HIVEP3: variants seen among roughly 807,000 people sequenced by gnomAD.
HIVEP3 encodes HIVEP zinc finger 3.
In HIVEP3, 49 loss-of-function variants were observed where a neutral mutation model predicts 152.8. The ratio of observed to expected loss-of-function variants is 0.32; its 90% CI spans 0.26 to 0.41. The LOEUF (loss-of-function observed/expected upper bound fraction) is 0.41, where lower values mean the gene tolerates loss of function less well. Ranked by LOEUF, HIVEP3 falls within the 10% of genes least tolerant of loss-of-function variation. The pLI is 1.00. For missense variants in HIVEP3, 2,790 were observed against 3,103.3 expected (o/e 0.90, Z 2.40); for synonymous variants, 1,269 against 1,289.0 (o/e 0.98, Z 0.33).
intron 1 of HIVEP3, among the ~76,000 whole-genome samples, chr1:41,983,352 A>G (rs1004572702): frequency 1.3e-5 from 2 of 152,256 alleles, no homozygotes; most frequent in Admixed American, 6.5e-5. Flanking sequence ...ATGCACAAAA[A>G]TCAAATTTAA....
chr1:41,641,101 T>C (rs1261520038), intron 2 of HIVEP3, among the ~76,000 whole-genome samples: 1 of 152,240 alleles, frequency 6.6e-6, no homozygotes, highest in Non-Finnish European at 1.5e-5. Flanking sequence ...TAGCTTTACT[T>C]ATGTTTATGA....
At chr1:41,518,318 G>T in intron 7 of HIVEP3, 84 bp downstream of exon 7, 1 of 1,146,428 alleles carries the variant, frequency 8.7e-7, no homozygotes, top group South Asian at 1.2e-5. Context: ...CAGAAAGGAA[G>T]CAGGGAAGGC....
chr1:41,511,334 G>T lies in HIVEP3; in HGVS notation c.6406-68C>A, dbSNP rs1181655358. ...CTGGGCACATGGGGAGCCGAGGCCT[G>T]GAAGTGGGAGGGGGACTCGCCCAAG... On this transcript the variant is annotated intron_variant, in intron 8 of 8. Transcript: ENST00000372583. This position sits in a 1 kb window ranked among gnomAD's most constrained non-coding sequence, Gnocchi z 4.9. 9 of 1,347,122 alleles carry T rather than the reference G, an allele frequency of 6.7e-6. No individual in the cohort carries two copies. In the South Asian group the frequency reaches 8.6e-5, roughly 13 times the overall value. The allele number at this position is 1,347,122 out of a possible 1,614,324, so 83.4% of individuals were successfully genotyped here.
In HIVEP3 at chr1:41,581,348, A is replaced by G; in HGVS notation, c.3450T>C (p.His1150=). The G allele has an allele frequency of 1.9e-6, 3 of 1,613,746 alleles. No homozygotes were observed. Among genetic ancestry groups the G allele is most frequent in the Non-Finnish European group, 2.5e-6 (3 of 1,179,866 alleles). ...ACTGTCCTGGCTCATGCTGCACGAGATGCTGGAAGGAGAAAAGGGAGACTG... is the reference window on the plus strand; with the variant it reads ...ACTGTCCTGGCTCATGCTGCACGAGGTGCTGGAAGGAGAAAAGGGAGACTG... ...PPPVSLFSFQ[H]LVQHEPGQSP... is the part of the protein sequence containing the mutation. The change falls in exon 4 of 9, where the codon CAT becomes CAC. Residue 1150 remains histidine (H), a synonymous_variant. Transcript: ENST00000372583. The surrounding 1 kb of genome is among the most constrained non-coding windows in gnomAD (Gnocchi z 4.5).
At position 41,937,183 on chromosome 1, in the gene HIVEP3, A is replaced by G. The variant is rs1229177545; in HGVS notation, n.120-18659T>C. Among the ~76,000 whole-genome samples the G allele has an allele frequency of 3.9e-5, 6 of 152,114 alleles. No individual in the cohort carries two copies. The East Asian group carries it at 1.2e-3, about 29-fold the overall frequency. ...CTGATCCCCCAACATTATTATCCAA[A>G]GTCAGACAAATGGATACTGGGTGGC... On this transcript the variant is annotated intron_variant and non_coding_transcript_variant, in intron 1 of 3. Transcript: ENST00000489103.
At chr1:41,948,890 T>C (rs1645089723) in intron 1 of HIVEP3, among the ~76,000 whole-genome samples, 1 of 152,146 alleles carries the variant, frequency 6.6e-6, no homozygotes. Context: ...CCCCTGCACT[T>C]CAGGCCATAC....
At chr1:41,617,737 C>T (rs1003025883) in intron 3 of HIVEP3, among the ~76,000 whole-genome samples, 6 of 152,246 alleles carry the variant, frequency 3.9e-5, no homozygotes, top group Admixed American at 2.0e-4. Flanking sequence ...TCCCAAATCA[C>T]ACACATGCCT....
At chr1:41,542,243 A>C (rs1180791679) in intron 5 of HIVEP3, 2 of 152,360 alleles carry the variant, frequency 1.3e-5, no homozygotes, top group East Asian at 3.9e-4. Flanking sequence ...GGACCAGTTG[A>C]TGGAGTAAGA....
chr1:41,704,383 AGCTGCTTAGGAAATGG>A (rs1646404787), intron 1 of HIVEP3, among the ~76,000 whole-genome samples: 1 of 152,254 alleles, frequency 6.6e-6, no homozygotes, highest in African/African-American at 2.4e-5. Flanking sequence ...GAGGCGAGAC[AGCTGCTTAGGAAATGG>A]GCTCCTGGGA....
chr1:41,614,575 C>CT (rs1491323243), intron 3 of HIVEP3, among the ~76,000 whole-genome samples: 1 of 152,196 alleles, frequency 6.6e-6, no homozygotes, highest in Non-Finnish European at 1.5e-5. Flanking sequence ...AGTTAATCCC[C>CT]TTTTTGTCTT....
At chr1:41,899,596 C>T (rs910149636) in intron 1 of HIVEP3, among the ~76,000 whole-genome samples, 4 of 152,008 alleles carry the variant, frequency 2.6e-5, no homozygotes, top group Non-Finnish European at 4.4e-5. Flanking sequence ...TTAGTAGAGA[C>T]GGGGTTTCAC....
intron 5 of HIVEP3, among the ~76,000 whole-genome samples, chr1:41,555,117 C>T (rs1275815007): frequency 1.3e-5 from 2 of 152,236 alleles, no homozygotes; most frequent in Non-Finnish European, 2.9e-5. Context: ...TCTACAGAGG[C>T]AACAGGCCTT....
At chr1:41,893,820 T>TTATATAA (rs1342834107) in intron 1 of HIVEP3, among the ~76,000 whole-genome samples, 1 of 147,264 alleles carries the variant, frequency 6.8e-6, no homozygotes, top group African/African-American at 2.5e-5. Context: ...ATATAATACA[T>TTATATAA]TATATAACAT....
chr1:41,543,828 G>A (rs1223627540), intron 5 of HIVEP3: 1 of 152,278 alleles, frequency 6.6e-6, no homozygotes, highest in Non-Finnish European at 1.5e-5. Context: ...AAGTGGAGAT[G>A]CTTCTTCGCC....
chr1:41,635,472 AC>A (rs1377266060), intron 2 of HIVEP3, among the ~76,000 whole-genome samples: 1 of 113,332 alleles, frequency 8.8e-6, no homozygotes, highest in African/African-American at 4.1e-5. Flanking sequence ...GACAGCAACC[AC>A]AACTATATAT....
intron 1 of HIVEP3, among the ~76,000 whole-genome samples, chr1:41,951,491 G>A (rs911428037): frequency 1.3e-5 from 2 of 152,210 alleles, no homozygotes; most frequent in Non-Finnish European, 2.9e-5. Context: ...GGGTGGAGAT[G>A]AGAGAACAGT....
intron 1 of HIVEP3, among the ~76,000 whole-genome samples, chr1:41,719,164 GGA>G (rs1178930940): frequency 6.6e-6 from 1 of 152,220 alleles, no homozygotes; most frequent in Non-Finnish European, 1.5e-5. Flanking sequence ...TCCTGGAGGA[GGA>G]GAGAGAGGAG....
intron 1 of HIVEP3, among the ~76,000 whole-genome samples, chr1:41,792,743 C>T (rs1208693229): frequency 1.3e-5 from 2 of 152,230 alleles, no homozygotes; most frequent in Non-Finnish European, 2.9e-5. Flanking sequence ...GCCACTCAAA[C>T]ATACACATGA....
intron 1 of HIVEP3, among the ~76,000 whole-genome samples, chr1:41,857,608 C>T (rs923031307): frequency 6.6e-6 from 1 of 152,100 alleles, no homozygotes; most frequent in Non-Finnish European, 1.5e-5. Flanking sequence ...TAGACGGGAA[C>T]TAATATTCAT....
Sources: gnomAD v4.1 joint callset for allele counts (sites outside exome capture counted in the v4.1 genomes callset) on GRCh38, gnomAD v4.1.1 for gene constraint, Gnocchi (gnomAD v3.1) non-coding constraint, MANE v1.5 for transcripts, NCBI Gene and HGNC (gene_info 2026-07-23, HGNC 2026-07-21) for gene names.